NMT2: variants seen among roughly 807,000 people sequenced by gnomAD.
NMT2 encodes the protein N-myristoyltransferase 2.
A neutral mutation model predicts 65.4 loss-of-function variants in NMT2; 35 were observed. That is an observed-to-expected ratio of 0.54 (90% confidence interval 0.41 to 0.71). The LOEUF (loss-of-function observed/expected upper bound fraction) is 0.71, where lower values mean the gene tolerates loss of function less well. Ranked by LOEUF, NMT2 falls within the 30% of genes least tolerant of loss-of-function variation. NMT2 has a pLI of 0.00. For missense variants in NMT2, 489 were observed against 611.3 expected (o/e 0.80, Z 2.11); for synonymous variants, 226 against 231.8 (o/e 0.98, Z 0.23).
At chr10:15,117,244 T>C (rs532403052) in intron 9 of NMT2, among the ~76,000 whole-genome samples, 1 of 152,218 alleles carries the variant, frequency 6.6e-6, no homozygotes, top group African/African-American at 2.4e-5. Context: ...GACCCAACAT[T>C]TGAAAACCAA....
chr10:15,136,346 A>T (rs376436277), intron 2 of NMT2, among the ~76,000 whole-genome samples: 1 of 148,146 alleles, frequency 6.8e-6, no homozygotes, highest in African/African-American at 2.5e-5. Context: ...GAAAGAAAAG[A>T]AAAGAAAAAA....
rs913038 is a variant in NMT2 at position 15,106,548 on chromosome 10, G to A, written c.*2647C>T. ...TCCAAGTCTTCCATTATCTCCAAGA[G>A]AGGTCCTATATTATGTACTACTGTG... On this transcript the variant is annotated 3_prime_UTR_variant, in exon 12 of 12. Coordinates refer to ENST00000378165, the MANE Select transcript of NMT2 (RefSeq NM_004808.3). 163,102 of 564,074 alleles carry A rather than the reference G, an allele frequency of 0.29. 30,952 individuals carry two copies. The highest frequency in any genetic ancestry group is 0.78 in the African/African-American group (38,596 of 49,346). The allele number at this position is 564,074 out of a possible 1,614,324, so 34.9% of individuals were successfully genotyped here.
At chr10:15,122,669 T>G (rs897711399) in intron 8 of NMT2, among the ~76,000 whole-genome samples, 1 of 152,188 alleles carries the variant, frequency 6.6e-6, no homozygotes, top group African/African-American at 2.4e-5. Flanking sequence ...TCTGCCCACC[T>G]CGGTCTCCCA....
At chr10:15,112,217 T>TATATATATATATATATATA (rs1554820299) in intron 10 of NMT2, among the ~76,000 whole-genome samples, 1 of 7,686 alleles carries the variant, frequency 1.3e-4, no homozygotes, top group Non-Finnish European at 2.6e-4. Context: ...TATATATATA[T>TATATATATATATATATATA]TTTTTTTTTT....
Position 15,112,844 on chromosome 10 carries a change from C to T in NMT2, c.1290G>A (p.Glu430=). ...CGCTCATGAGGTCCAGCAGGGGCGT[C>T]TCTGTGTGGATGTTGTAGAATGAGT... is the stretch of plus-strand genomic sequence containing the variant. The part of the protein sequence containing the change: ...AAYSFYNIHT[E]TPLLDLMSDA... The change falls in exon 10 of 12, where the codon GAG becomes GAA. Residue 430 remains glutamate, a synonymous_variant. Coordinates refer to ENST00000378165, the MANE Select transcript of NMT2 (RefSeq NM_004808.3). 1.2e-6 allele frequency: 2 copies of T among 1,614,070 alleles called. No individual in the cohort carries two copies. Among genetic ancestry groups the T allele is most frequent in the Non-Finnish European group, 1.7e-6 (2 of 1,179,990 alleles).
chr10:15,155,508 A>C (rs1187774550), intron 1 of NMT2, among the ~76,000 whole-genome samples: 1 of 145,136 alleles, frequency 6.9e-6, no homozygotes, highest in Non-Finnish European at 1.5e-5. Context: ...AGCTAGGAGT[A>C]CAGGTGTATG....
intron 8 of NMT2, 121 bp downstream of exon 8, chr10:15,128,229 C>CGAAA: frequency 3.0e-6 from 2 of 669,294 alleles, no homozygotes; most frequent in South Asian, 3.3e-5. Flanking sequence ...AAATCTCTTT[C>CGAAA]GCTCCATATT....
At chr10:15,154,790 T>A (rs755007208) in intron 1 of NMT2, 2 of 731,870 alleles carry the variant, frequency 2.7e-6, no homozygotes, top group African/African-American at 1.7e-5. Flanking sequence ...AAAACACAAG[T>A]CAAACTTATT....
At chr10:15,117,864 TAA>T (rs2131494624) in intron 9 of NMT2, among the ~76,000 whole-genome samples, 1 of 152,336 alleles carries the variant, frequency 6.6e-6, no homozygotes, top group South Asian at 2.1e-4. Flanking sequence ...AGAATGCTGA[TAA>T]AAGAGATTTT....
chr10:15,159,505 A>G (rs1833114172), intron 1 of NMT2, among the ~76,000 whole-genome samples: 1 of 152,014 alleles, frequency 6.6e-6, no homozygotes, highest in African/African-American at 2.4e-5. Context: ...ATGTGCTTAT[A>G]AAGTGATCTC....
At chr10:15,120,350 C>T (rs1416999083) in intron 8 of NMT2, among the ~76,000 whole-genome samples, 6 of 152,174 alleles carry the variant, frequency 3.9e-5, no homozygotes, top group Non-Finnish European at 5.9e-5. Context: ...CCCAGCTACT[C>T]GGGAGGCTGA....
rs1283533055 is a variant in NMT2, at chr10:15,108,182, C to A, written c.*1013G>T. On this transcript the variant is annotated 3_prime_UTR_variant, in exon 12 of 12. Coordinates refer to ENST00000378165, the MANE Select transcript of NMT2 (RefSeq NM_004808.3). Reference sequence around the variant, plus strand: ...AAGTCTAGTTAGTCGCGGGTACAGGCTCTTTCTTTTTTTTTTTTTTTGAGA... The same window carrying A: ...AAGTCTAGTTAGTCGCGGGTACAGGATCTTTCTTTTTTTTTTTTTTTGAGA... The A allele has an allele frequency of 5.1e-6, 5 of 980,934 alleles. No homozygotes were observed. In the African/African-American group the frequency reaches 9.2e-5, roughly 18 times the overall value. 60.8% of individuals were successfully genotyped at this position (980,934 alleles called of 1,614,324 possible).
chr10:15,132,019 C>T (rs946655267), intron 6 of NMT2, among the ~76,000 whole-genome samples: 8 of 152,168 alleles, frequency 5.3e-5, no homozygotes, highest in African/African-American at 1.7e-4. Flanking sequence ...GCACGTGCCA[C>T]TATGCTGGCT....
intron 1 of NMT2, among the ~76,000 whole-genome samples, chr10:15,149,342 A>G (rs1165978683): frequency 6.6e-6 from 1 of 151,534 alleles, no homozygotes; most frequent in East Asian, 1.9e-4. Context: ...CATCATCATC[A>G]CCACCATCAT....
intron 1 of NMT2, among the ~76,000 whole-genome samples, chr10:15,161,503 C>A (rs1044294158): frequency 8.6e-5 from 13 of 152,038 alleles, no homozygotes; most frequent in Admixed American, 6.6e-4. Flanking sequence ...TTACATACGC[C>A]CGCCACCACA....
chr10:15,119,621 G>T lies in NMT2; in HGVS notation c.1000-108C>A. The T allele has an allele frequency of 3.5e-6, 3 of 859,842 alleles. No individual in the cohort carries two copies. The South Asian group carries it at 4.7e-5, about 14-fold the overall frequency. 53.3% of individuals were successfully genotyped at this position (859,842 alleles called of 1,614,324 possible). A position where few individuals can be genotyped will look rare whatever the true frequency, so the allele number is the denominator to read the frequency against. On this transcript the variant is annotated intron_variant, in intron 8 of 11. Transcript: ENST00000378165. ...AGACCAGCAGAATGAGCAGCACGCGGGAGCTAGTTAGAGCTGCAGAGCCTG... is the reference window on the plus strand; with the variant it reads ...AGACCAGCAGAATGAGCAGCACGCGTGAGCTAGTTAGAGCTGCAGAGCCTG...
At position 15,130,254 on chromosome 10, in the gene NMT2, G is replaced by A. The variant is rs781776823; in HGVS notation, c.778C>T (p.Arg260Trp). 2.5e-6 allele frequency: 4 copies of A among 1,606,286 alleles called. No individual in the cohort carries two copies. Among genetic ancestry groups the A allele is most frequent in the African/African-American group, 1.3e-5 (1 of 74,856 alleles). ...TCTCGGATTAGCACTGGGGCTACCC[G>A]TTTCGATCTCAACTTCTTATGAACA... ...LCVHKKLRSK[R>W]VAPVLIREIT... The change falls in exon 7 of 12, where the codon CGG (arginine) becomes TGG (tryptophan). Residue 260 changes from arginine (R) to tryptophan (W), a missense_variant. Coordinates refer to ENST00000378165, the MANE Select transcript of NMT2 (RefSeq NM_004808.3).
Position 15,112,815 on chromosome 10 carries a change from G to C in NMT2, c.1319C>G (p.Ala440Gly). The C allele has an allele frequency of 6.2e-7, 1 of 1,613,248 alleles. No homozygotes were observed. Among genetic ancestry groups the C allele is most frequent in the Non-Finnish European group, 8.5e-7 (1 of 1,179,728 alleles). The change falls in exon 10 of 12, where the codon GCG becomes GGG. Residue 440 changes from alanine to glycine, a missense_variant. By Grantham distance (60) the Ala-to-Gly change is moderately conservative. Coordinates refer to ENST00000378165, the MANE Select transcript of NMT2 (RefSeq NM_004808.3). ...GCTTACCGATTTAGCCAGGATGAGC[G>C]CGTCGCTCATGAGGTCCAGCAGGGG... ...ETPLLDLMSD[A>G]LILAKSKGFD...
chr10:15,109,775 T>G lies in NMT2; in HGVS notation c.1403A>C (p.Lys468Thr). ...CAAATTGCCATCTCCTATACCAAAC[T>G]TGAGTTTTTCCAAGAATGTCTTATT... is the stretch of plus-strand genomic sequence containing the variant. Reference protein sequence around the residue: ...MENKTFLEKLKFGIGDGNLQY... With the variant: ...MENKTFLEKLTFGIGDGNLQY... The change falls in exon 11 of 12, where the codon AAG (lysine) becomes ACG (threonine). Residue 468 changes from lysine (K) to threonine (T), a missense_variant. Coordinates refer to ENST00000378165, the MANE Select transcript of NMT2 (RefSeq NM_004808.3). 1 of 1,613,754 alleles carries G rather than the reference T, an allele frequency of 6.2e-7. No homozygotes were observed. Among genetic ancestry groups the G allele is most frequent in the Admixed American group, 1.7e-5 (1 of 59,990 alleles).
Sources: allele counts gnomAD v4.1 joint callset (sites outside exome capture counted in the v4.1 genomes callset), GRCh38; gene constraint gnomAD v4.1.1; transcripts MANE v1.5; gene names NCBI Gene and HGNC (gene_info 2026-07-23, HGNC 2026-07-21).